The following SH3PXD2A variants were observed in gnomAD, a reference collection of about 807,000 sequenced individuals.
SH3PXD2A encodes SH3 and PX domain-containing protein 2A.
A neutral mutation model predicts 115.2 loss-of-function variants in SH3PXD2A; 32 were observed. The ratio of observed to expected loss-of-function variants is 0.28; its 90% CI spans 0.21 to 0.37. The LOEUF (loss-of-function observed/expected upper bound fraction) is 0.37. SH3PXD2A is among the 10% of genes least tolerant of loss of function. SH3PXD2A has a pLI of 1.00. For missense variants in SH3PXD2A, 1,328 were observed against 1,498.7 expected, an observed-to-expected ratio of 0.89 and a Z score of 1.88; for synonymous variants, 610 against 629.1, an observed-to-expected ratio of 0.97 and a Z score of 0.45.
At chr10:103,725,107 G>A (rs2038224453) in intron 4 of SH3PXD2A, among the ~76,000 whole-genome samples, 1 of 152,248 alleles carries the variant, frequency 6.6e-6, no homozygotes, top group African/African-American at 2.4e-5. Flanking sequence ...TGGGGAGCCA[G>A]TGTTTCAGGA....
At chr10:103,822,217 T>A (rs1283992260) in intron 1 of SH3PXD2A, among the ~76,000 whole-genome samples, 2 of 152,384 alleles carry the variant, frequency 1.3e-5, no homozygotes, top group Middle Eastern at 3.4e-3. Context: ...ATTTGACTTA[T>A]TTGTGTAATT....
chr10:103,645,939 TG>T (rs2037029738), intron 8 of SH3PXD2A, among the ~76,000 whole-genome samples: 1 of 152,250 alleles, frequency 6.6e-6, no homozygotes, highest in African/African-American at 2.4e-5. Flanking sequence ...AGGGGAGAAC[TG>T]TGGATGACCT....
chr10:103,780,524 C>T (rs1000348523), intron 2 of SH3PXD2A, among the ~76,000 whole-genome samples: 1 of 152,152 alleles, frequency 6.6e-6, no homozygotes, highest in African/African-American at 2.4e-5. Flanking sequence ...CTTTGGCCTT[C>T]CCAGGAAATA....
At chr10:103,769,134 CTGTGTGTGTGTGTGTGTGTGTGTGTGTG>C (rs67426639) in intron 2 of SH3PXD2A, among the ~76,000 whole-genome samples, 2 of 141,916 alleles carry the variant, frequency 1.4e-5, no homozygotes, top group African/African-American at 2.6e-5. Flanking sequence ...AGGCTAGACT[CTGTGTGTGTGTGTGTGTGTGTGTGTGTG>C]TGTGTGTGTG....
intron 3 of SH3PXD2A, among the ~76,000 whole-genome samples, chr10:103,740,894 C>T (rs931124147): frequency 4.6e-5 from 7 of 152,308 alleles, no homozygotes; most frequent in African/African-American, 7.2e-5. Context: ...CTGTTCCAGG[C>T]GCTGGGAGCA....
In SH3PXD2A at chr10:103,643,545, G is replaced by T. The variant is rs759242291; in HGVS notation, c.605-16343C>A. Among the ~76,000 whole-genome samples, 14 of 152,290 alleles carry T rather than the reference G, an allele frequency of 9.2e-5. No homozygotes were observed. In the South Asian group the frequency reaches 2.9e-3, roughly 32 times the overall value. On this transcript the variant is annotated intron_variant, in intron 8 of 14. Coordinates refer to ENST00000369774, the MANE Select transcript of SH3PXD2A (RefSeq NM_001394015.1). The stretch of plus-strand genomic sequence containing the variant: ...CCATGAAGTTCAACAAGAGAGCAAG[G>T]CAAGTTCTAGCAAGATTCTAAGCCT...
rs1267702296 is a variant in SH3PXD2A, at chr10:103,616,041, G to A, written c.920+1156C>T. On this transcript the variant is annotated intron_variant, in intron 11 of 14. Transcript: ENST00000369774. ...CTCCGGGGTGGGGCGGGGTGGGGGC[G>A]GGGTAGGGGCGGGGGGTGTGGTGCG... is the stretch of plus-strand genomic sequence containing the variant. Among the ~76,000 whole-genome samples, 3 of 150,592 alleles carry A rather than the reference G, an allele frequency of 2.0e-5. No individual in the cohort carries two copies. The East Asian group carries it at 5.9e-4, about 30-fold the overall frequency.
chr10:103,715,237 C>T (rs555588533), intron 5 of SH3PXD2A, among the ~76,000 whole-genome samples: 1 of 152,230 alleles, frequency 6.6e-6, no homozygotes, highest in Non-Finnish European at 1.5e-5. Flanking sequence ...TTGAACCTCA[C>T]AATCATTTTG....
chr10:103,850,104 G>A (rs1481519670), intron 1 of SH3PXD2A, among the ~76,000 whole-genome samples: 1 of 152,152 alleles, frequency 6.6e-6, no homozygotes, highest in African/African-American at 2.4e-5. Context: ...CTAATTCATA[G>A]CCTCCACGGT....
rs548546427 is a variant in SH3PXD2A at position 103,799,470 on chromosome 10, C to T, written c.153+1812G>A. ...AGCCTGGCCAAGCTCATGGCCATTG[C>T]CAAGCTAGGGCCAGCACACTGCACT... is the stretch of plus-strand genomic sequence containing the variant. On this transcript the variant is annotated intron_variant, in intron 2 of 14. Transcript: ENST00000369774. 2.1e-4 allele frequency among the ~76,000 whole-genome samples: 32 copies of T among 152,384 alleles called. No homozygotes were observed. The South Asian group carries it at 6.2e-3, about 30-fold the overall frequency.
intron 4 of SH3PXD2A, among the ~76,000 whole-genome samples, chr10:103,727,010 T>C (rs2038249433): frequency 6.6e-6 from 1 of 152,224 alleles, no homozygotes; most frequent in Admixed American, 6.5e-5. Flanking sequence ...TCAGGCCCTA[T>C]CCTTGGCCCC....
chr10:103,678,507 G>A (rs1416282526), intron 6 of SH3PXD2A, among the ~76,000 whole-genome samples: 1 of 152,250 alleles, frequency 6.6e-6, no homozygotes, highest in Non-Finnish European at 1.5e-5. Flanking sequence ...CTTCCAGAGA[G>A]GGGAGAAGCC....
chr10:103,770,009 T>C (rs2038801670), intron 2 of SH3PXD2A, among the ~76,000 whole-genome samples: 1 of 152,178 alleles, frequency 6.6e-6, no homozygotes, highest in South Asian at 2.1e-4. Context: ...TCATGTTCGC[T>C]AAGGGAAAAA....
chr10:103,626,824 A>C (rs891875512), intron 9 of SH3PXD2A, among the ~76,000 whole-genome samples: 1 of 152,012 alleles, frequency 6.6e-6, no homozygotes, highest in Non-Finnish European at 1.5e-5. Context: ...AACAAACCTC[A>C]TGAAGCCAAA....
At chr10:103,829,235 G>A (rs1161058420) in intron 1 of SH3PXD2A, among the ~76,000 whole-genome samples, 2 of 152,186 alleles carry the variant, frequency 1.3e-5, no homozygotes, top group African/African-American at 4.8e-5. Flanking sequence ...TGCAGACAGG[G>A]TGGGGTGCAA....
At chr10:103,699,119 G>A (rs1185362365) in intron 5 of SH3PXD2A, among the ~76,000 whole-genome samples, 3 of 152,122 alleles carry the variant, frequency 2.0e-5, no homozygotes, top group African/African-American at 4.8e-5. Context: ...TGGGGGTTGG[G>A]GGCAGGAGAG....
intron 10 of SH3PXD2A, among the ~76,000 whole-genome samples, chr10:103,619,398 G>A (rs1305651836): frequency 1.3e-5 from 2 of 152,196 alleles, no homozygotes; most frequent in Non-Finnish European, 2.9e-5. Context: ...GGCGAGGCCT[G>A]GGCTCCACAT....
intron 1 of SH3PXD2A, among the ~76,000 whole-genome samples, chr10:103,839,646 C>T (rs2039578681): frequency 6.6e-6 from 1 of 151,830 alleles, no homozygotes; most frequent in Non-Finnish European, 1.5e-5. Context: ...AGAGGCCACG[C>T]AGCCCCTGAG....
chr10:103,734,969 G>T (rs1178603210), intron 4 of SH3PXD2A, among the ~76,000 whole-genome samples: 4 of 152,170 alleles, frequency 2.6e-5, no homozygotes, highest in Non-Finnish European at 5.9e-5. Flanking sequence ...CTCCCTATTG[G>T]ACGGATGTGG....
Sources: allele counts gnomAD v4.1 joint callset (sites outside exome capture counted in the v4.1 genomes callset), GRCh38; gene constraint gnomAD v4.1.1; transcripts MANE v1.5; gene names NCBI Gene and HGNC (gene_info 2026-07-23, HGNC 2026-07-21).